Variants in SGSM2 observed in about 807,000 individuals in gnomAD.
The protein encoded by SGSM2 is small G protein signaling modulator 2.
In SGSM2, 89 loss-of-function variants were observed where a neutral mutation model predicts 126.6. That is an observed-to-expected ratio of 0.70 (90% confidence interval 0.59 to 0.84). SGSM2 has a LOEUF of 0.84. Among genes scored for constraint, SGSM2 ranks in the 40% least tolerant of loss-of-function variants. The probability of loss-of-function intolerance (pLI) is 0.00; values close to 1 mark genes in which losing one functional copy is unlikely to be tolerated. For synonymous variants in SGSM2, 614 were observed against 574.3 expected (o/e 1.07, Z -0.99); for missense variants, 1,404 against 1,416.6 (o/e 0.99, Z 0.14).
At chr17:2,348,639 C>G (rs540543019) in intron 2 of SGSM2, among the ~76,000 whole-genome samples, 1 of 152,164 alleles carries the variant, frequency 6.6e-6, no homozygotes, top group Non-Finnish European at 1.5e-5. Context: ...GCCGTGCTTA[C>G]TCATCTCTGA....
rs755933690 is a variant in SGSM2 at position 2,362,937 on chromosome 17, G to A, written c.526+32G>A. The A allele has an allele frequency of 1.2e-5, 20 of 1,613,998 alleles. No individual in the cohort carries two copies. Among genetic ancestry groups the A allele is most frequent in the East Asian group, 1.1e-4 (5 of 44,900 alleles). ...CTGAGAGCACAGGCACAGTGGGTAC[G>A]GGGCAGGTGCTGAGGGAGCATCGTC... On this transcript the variant is annotated intron_variant, in intron 5 of 23. Coordinates refer to ENST00000268989, the MANE Select transcript of SGSM2 (RefSeq NM_014853.3). This position sits in a 1 kb window ranked among gnomAD's most constrained non-coding sequence, Gnocchi z 4.9.
In SGSM2 at chr17:2,367,332, AGAG is replaced by A; in HGVS notation, c.1356_1358del (p.Glu452del). On this transcript the variant is annotated inframe_deletion, in exon 12 of 24. Transcript: ENST00000268989. The surrounding 1 kb of genome is among the most constrained non-coding windows in gnomAD (Gnocchi z 4.0). The stretch of plus-strand genomic sequence containing the variant: ...CGGCCTCGGTGGACGATGATGAGGA[AGAG>A]GAGGATAAACTGCACGCGATGCTCT... 2 of 1,614,196 alleles carry A rather than the reference AGAG, an allele frequency of 1.2e-6. No individual in the cohort carries two copies. Among genetic ancestry groups the A allele is most frequent in the Non-Finnish European group, 1.7e-6 (2 of 1,180,020 alleles).
Position 2,380,836 on chromosome 17 carries a change from CAGCCCTGCCCCCG to C in SGSM2, c.*1317_*1329del, listed in dbSNP as rs965796539. The stretch of plus-strand genomic sequence containing the variant: ...TGCACCCAGCACAGCCTGCCCAGCC[CAGCCCTGCCCCCG>C]GGCACTGCACAGCCTGTCTGGGGGC... On this transcript the variant is annotated 3_prime_UTR_variant, in exon 24 of 24. Coordinates refer to ENST00000268989, the MANE Select transcript of SGSM2 (RefSeq NM_014853.3). The C allele has an allele frequency of 5.9e-6, 1 of 169,818 alleles. No homozygotes were observed. The highest frequency in any genetic ancestry group is 2.4e-5 in the African/African-American group (1 of 41,692). 10.5% of individuals were successfully genotyped at this position (169,818 alleles called of 1,614,324 possible).
chr17:2,358,870 G>A (rs28553523), intron 2 of SGSM2, among the ~76,000 whole-genome samples: 6 of 81,608 alleles, frequency 7.4e-5, no homozygotes, highest in African/African-American at 3.3e-4. Context: ...TGTTGTTGTT[G>A]TTGTTTTTTT....
At chr17:2,373,125 G>T (rs1482245352) in intron 16 of SGSM2, 44 bp downstream of exon 16, 9 of 1,606,618 alleles carry the variant, frequency 5.6e-6, no homozygotes, top group Non-Finnish European at 7.6e-6. Context: ...ATGGGGAGCT[G>T]GGCCAGGGGA....
At chr17:2,359,166 G>C (rs1179636724) in intron 2 of SGSM2, among the ~76,000 whole-genome samples, 1 of 152,098 alleles carries the variant, frequency 6.6e-6, no homozygotes, top group South Asian at 2.1e-4. Flanking sequence ...CGTGAGCCAC[G>C]GCGCCCAGAC....
In SGSM2 at chr17:2,362,216, C is replaced by A; in HGVS notation, c.404C>A (p.Ala135Glu). The change falls in exon 4 of 24, where the codon GCG becomes GAG. Residue 135 changes from alanine (A) to glutamate (E), a missense_variant. Ala to Glu is a moderately radical substitution (Grantham distance 107). Transcript: ENST00000268989. This position sits in a 1 kb window ranked among gnomAD's most constrained non-coding sequence, Gnocchi z 4.9. Reference protein sequence around the residue: ...QALKHVWVRTALIEKVLDKVV... With the variant: ...QALKHVWVRTELIEKVLDKVV... ...TTGAAACACGTATGGGTACGCACGG[C>A]GCTCATCGAGAAAGTTCTGGACAAG... 1 of 1,613,810 alleles carries A rather than the reference C, an allele frequency of 6.2e-7. No homozygotes were observed. Among genetic ancestry groups the A allele is most frequent in the Non-Finnish European group, 8.5e-7 (1 of 1,179,928 alleles).
chr17:2,345,127 A>G (rs1461512102), intron 2 of SGSM2, among the ~76,000 whole-genome samples: 1 of 152,112 alleles, frequency 6.6e-6, no homozygotes, highest in African/African-American at 2.4e-5. Flanking sequence ...CTCTGGAAAA[A>G]AAAAAGGCAT....
chr17:2,365,896 C>T (rs1333198069), intron 11 of SGSM2, among the ~76,000 whole-genome samples: 1 of 152,122 alleles, frequency 6.6e-6, no homozygotes, highest in Non-Finnish European at 1.5e-5. Context: ...CAGGCGCACA[C>T]CTCCATGCCC....
At chr17:2,351,044 G>A (rs2064824630) in intron 2 of SGSM2, among the ~76,000 whole-genome samples, 1 of 152,150 alleles carries the variant, frequency 6.6e-6, no homozygotes, top group Non-Finnish European at 1.5e-5. Flanking sequence ...CTTGAGGTCA[G>A]GAGTTCGAGA....
chr17:2,349,589 C>T lies in SGSM2; in HGVS notation c.133+5969C>T, dbSNP rs139570036. Among the ~76,000 whole-genome samples the T allele has an allele frequency of 3.9e-5, 6 of 152,186 alleles. No homozygotes were observed. The East Asian group carries it at 1.2e-3, about 29-fold the overall frequency. ...ATAAGTGCATGTTTTTAAGAGTCCT[C>T]TTTCAGAGATAAATATATATGATGT... On this transcript the variant is annotated intron_variant, in intron 2 of 23. Coordinates refer to ENST00000268989, the MANE Select transcript of SGSM2 (RefSeq NM_014853.3).
Position 2,364,087 on chromosome 17 carries a change from ACCTCTC to A in SGSM2, c.840_845del (p.Ser281_Leu282del), listed in dbSNP as rs756068914. ...GAGGATATGGAGGCGGTCCCTGGCT[ACCTCTC>A]CCTGCACCAGTCTGCAGAGAGCCTG... On this transcript the variant is annotated inframe_deletion, in exon 8 of 24. Coordinates refer to ENST00000268989, the MANE Select transcript of SGSM2 (RefSeq NM_014853.3). 5.0e-6 allele frequency: 8 copies of A among 1,613,386 alleles called. No homozygotes were observed. In the Admixed American group the frequency reaches 1.3e-4, roughly 27 times the overall value.
intron 2 of SGSM2, among the ~76,000 whole-genome samples, chr17:2,358,030 C>CT (rs1198600041): frequency 6.6e-6 from 1 of 152,210 alleles, no homozygotes; most frequent in Non-Finnish European, 1.5e-5. Flanking sequence ...GCCCAGACAG[C>CT]TCAGTCAGCA....
At chr17:2,345,316 G>C (rs1000147320) in intron 2 of SGSM2, among the ~76,000 whole-genome samples, 8 of 151,866 alleles carry the variant, frequency 5.3e-5, no homozygotes, top group Non-Finnish European at 1.2e-4. Context: ...ACAAAAATTA[G>C]CAGGGCGTGG....
At chr17:2,339,200 G>A (rs112733009) in intron 1 of SGSM2, among the ~76,000 whole-genome samples, 41,192 of 151,896 alleles carry the variant, frequency 0.27, 5,816 homozygotes, top group Admixed American at 0.36. Flanking sequence ...GGCTGAGGCG[G>A]GTAGATCACG....
chr17:2,367,120 A>G lies in SGSM2; in HGVS notation c.1289-151A>G. The G allele has an allele frequency of 1.1e-6, 1 of 888,214 alleles. No homozygotes were observed. Among genetic ancestry groups the G allele is most frequent in the Non-Finnish European group, 1.7e-6 (1 of 605,148 alleles). 55.0% of individuals were successfully genotyped at this position (888,214 alleles called of 1,614,324 possible). ...CACACTCTCCCAGGAAAATCATCCA[A>G]AGAGCTTTCTGGTCCCCTCCCTTCC... On this transcript the variant is annotated intron_variant, in intron 11 of 23. Transcript: ENST00000268989. This position sits in a 1 kb window ranked among gnomAD's most constrained non-coding sequence, Gnocchi z 4.0.
At chr17:2,368,282 C>T (rs2065688880) in intron 12 of SGSM2, among the ~76,000 whole-genome samples, 2 of 152,178 alleles carry the variant, frequency 1.3e-5, no homozygotes, top group Middle Eastern at 3.4e-3. Context: ...AGAGAGGGAG[C>T]CCCCCTCTTT....
At chr17:2,360,807 C>T (rs922712733) in intron 2 of SGSM2, among the ~76,000 whole-genome samples, 1 of 152,216 alleles carries the variant, frequency 6.6e-6, no homozygotes, top group South Asian at 2.1e-4. Context: ...AAAAGGGGCT[C>T]GGGCCGAGGC....
In SGSM2 at chr17:2,340,272, A is replaced by G. The variant is rs540917339; in HGVS notation, c.57+2527A>G. On this transcript the variant is annotated intron_variant, in intron 1 of 23. Coordinates refer to ENST00000268989, the MANE Select transcript of SGSM2 (RefSeq NM_014853.3). ...TGGGACTACAGGCACATGCCACCAC[A>G]CCCAGCTAATTTTTCGTATTTTAGT... Among the ~76,000 whole-genome samples, 7 of 151,598 alleles carry G rather than the reference A, an allele frequency of 4.6e-5. No individual in the cohort carries two copies. In the South Asian group the frequency reaches 1.0e-3, roughly 23 times the overall value.
Sources: allele counts gnomAD v4.1 joint callset (sites outside exome capture counted in the v4.1 genomes callset), GRCh38; gene constraint gnomAD v4.1.1; non-coding constraint Gnocchi (gnomAD v3.1); transcripts MANE v1.5; gene names NCBI Gene and HGNC (gene_info 2026-07-23, HGNC 2026-07-21).